HSPA12B: variants seen among roughly 807,000 people sequenced by gnomAD.
The protein encoded by HSPA12B is heat shock protein family A (Hsp70) member 12B, also known as heat shock 70 kDa protein 12B.
In HSPA12B, 54 loss-of-function variants were observed where a neutral mutation model predicts 69.3. That is an observed-to-expected ratio of 0.78 (90% CI 0.63 to 0.98). The LOEUF is 0.98. Ranked by LOEUF, HSPA12B falls within the 50% of genes least tolerant of loss-of-function variation. The pLI is 0.00. For synonymous variants in HSPA12B, 441 were observed against 436.5 expected (o/e 1.01, Z -0.13); for missense variants, 929 against 999.8 (o/e 0.93, Z 0.96).
At chr20:3,743,184 CTT>C (rs61614564) in intron 4 of HSPA12B, among the ~76,000 whole-genome samples, 32 of 139,328 alleles carry the variant, frequency 2.3e-4, no homozygotes, top group African/African-American at 7.5e-4. Context: ...CCAACCTGGC[CTT>C]TTTTTTTTTT....
At position 3,744,811 on chromosome 20, in the gene HSPA12B, C is replaced by A; in HGVS notation, c.267-91C>A. ...CCATAGCTAGTTCTCCCTGCTCTTT[C>A]ACATCTGTAAGTTTTTGCACATGCT... On this transcript the variant is annotated intron_variant, in intron 4 of 12. Transcript: ENST00000254963. This position sits in a 1 kb window ranked among gnomAD's most constrained non-coding sequence, Gnocchi z 4.9. 1 of 1,248,098 alleles carries A rather than the reference C, an allele frequency of 8.0e-7. No individual in the cohort carries two copies. The highest frequency in any genetic ancestry group is 1.1e-6 in the Non-Finnish European group (1 of 884,740). 77.3% of individuals were successfully genotyped at this position (1,248,098 alleles called of 1,614,324 possible).
chr20:3,741,251 C>T (rs2088197138), intron 3 of HSPA12B, among the ~76,000 whole-genome samples: 1 of 151,862 alleles, frequency 6.6e-6, no homozygotes, highest in Non-Finnish European at 1.5e-5. Flanking sequence ...AGCACTGGGC[C>T]TCTTGTGGAC....
At position 3,742,277 on chromosome 20, in the gene HSPA12B, C is replaced by G. The variant is rs2088215191; in HGVS notation, c.142-7C>G. ...CTGCTTGCTAATTCTAAGTCTTGCA[C>G]TTGCAGAAACCCGAGGTCCGAGCCC... On this transcript the variant is annotated splice_region_variant and splice_polypyrimidine_tract_variant and intron_variant, in intron 3 of 12. Transcript: ENST00000254963. 1.2e-6 allele frequency: 2 copies of G among 1,613,352 alleles called. No individual in the cohort carries two copies. Among genetic ancestry groups the G allele is most frequent in the Non-Finnish European group, 8.5e-7 (1 of 1,179,512 alleles).
rs116447423 is a variant in HSPA12B at position 3,741,909 on chromosome 20, T to C, written c.142-375T>C. On this transcript the variant is annotated intron_variant, in intron 3 of 12. Transcript: ENST00000254963. Reference sequence around the variant, plus strand: ...AAAATATATACACTGGTCCATGTGCTGTAAAACTGCCTGGAGGAGCAAAAT... The same window carrying C: ...AAAATATATACACTGGTCCATGTGCCGTAAAACTGCCTGGAGGAGCAAAAT... Among the ~76,000 whole-genome samples the C allele has an allele frequency of 6.3e-3, 950 of 151,570 alleles. 7 individuals are homozygous for C. The highest frequency in any genetic ancestry group is 0.022 in the African/African-American group (910 of 41,190).
Position 3,740,701 on chromosome 20 carries a change from C to G in HSPA12B, c.44-114C>G. The G allele has an allele frequency of 8.9e-6, 7 of 783,132 alleles. No individual in the cohort carries two copies. Among genetic ancestry groups the G allele is most frequent in the South Asian group, 1.5e-5 (1 of 66,778 alleles). The allele number at this position is 783,132 out of a possible 1,614,324, so 48.5% of individuals were successfully genotyped here. A position where few individuals can be genotyped will look rare whatever the true frequency, so the allele number is the denominator to read the frequency against. On this transcript the variant is annotated intron_variant, in intron 2 of 12. Transcript: ENST00000254963. This position sits in a 1 kb window ranked among gnomAD's most constrained non-coding sequence, Gnocchi z 4.9. ...GCAGTCCTCCTCCCCAGCAGAGAGC[C>G]CTTTGCCTTAGCCCAGCAAGGACTG...
At position 3,749,138 on chromosome 20, in the gene HSPA12B, GC is replaced by G; in HGVS notation, c.851-91del. The G allele has an allele frequency of 9.2e-7, 1 of 1,083,108 alleles. No homozygotes were observed. The highest frequency in any genetic ancestry group is 1.4e-6 in the Non-Finnish European group (1 of 738,022). 67.1% of individuals were successfully genotyped at this position (1,083,108 alleles called of 1,614,324 possible). On this transcript the variant is annotated intron_variant, in intron 8 of 12. Coordinates refer to ENST00000254963, the MANE Select transcript of HSPA12B (RefSeq NM_052970.5). The surrounding 1 kb of genome is among the most constrained non-coding windows in gnomAD (Gnocchi z 5.5). ...TTCAGGAGCACTGGCTGCTCCCAGT[GC>G]CCATGGAGGTCCTGGGCAGGAGGAT...
At chr20:3,736,760 C>T (rs1221291335) in intron 1 of HSPA12B, among the ~76,000 whole-genome samples, 3 of 152,226 alleles carry the variant, frequency 2.0e-5, no homozygotes, top group Non-Finnish European at 4.4e-5. Context: ...CGGTGGCTTA[C>T]GCCTGTAATC....
At chr20:3,750,250 C>G in intron 11 of HSPA12B, 23 bp downstream of exon 11, 1 of 1,567,236 alleles carries the variant, frequency 6.4e-7, no homozygotes, top group Non-Finnish European at 8.7e-7. Flanking sequence ...CCCGCGGGCT[C>G]AGGCAGGGTT....
rs1232117851 is a variant in HSPA12B at position 3,744,902 on chromosome 20, G to A, written c.267G>A (p.Arg89=). The A allele has an allele frequency of 1.2e-6, 2 of 1,612,094 alleles. No homozygotes were observed. The highest frequency in any genetic ancestry group is 3.3e-5 in the Admixed American group (2 of 60,010). ...ASDPEAIHMM[R]KWEGGDPGVA... ...CACTGACTGCCCTGTGCCTCCGCAG[G>A]AAATGGGAGGGCGGAGACCCGGGCG... Residue 89 remains arginine, a splice_region_variant and synonymous_variant, in exon 5 of 13, where the codon AGG becomes AGA. Coordinates refer to ENST00000254963, the MANE Select transcript of HSPA12B (RefSeq NM_052970.5). This position sits in a 1 kb window ranked among gnomAD's most constrained non-coding sequence, Gnocchi z 4.9.
rs1033436954 is a variant in HSPA12B at position 3,749,582 on chromosome 20, T to C, written c.938-168T>C. Among the ~76,000 whole-genome samples, 2 of 152,190 alleles carry C rather than the reference T, an allele frequency of 1.3e-5. No homozygotes were observed. Among genetic ancestry groups the C allele is most frequent in the Non-Finnish European group, 2.9e-5 (2 of 68,018 alleles). ...TTCTGCCCCACACCCTGCGCCCATA[T>C]GTGGTGGTCTGAGGTTCAAGCACCT... On this transcript the variant is annotated intron_variant, in intron 9 of 12. Transcript: ENST00000254963. This position sits in a 1 kb window ranked among gnomAD's most constrained non-coding sequence, Gnocchi z 5.5.
intron 7 of HSPA12B, 101 bp from the exon 8 acceptor site, chr20:3,748,116 G>A: frequency 9.5e-7 from 1 of 1,052,126 alleles, no homozygotes; most frequent in Admixed American, 2.7e-5. Flanking sequence ...TGATGGAGGA[G>A]GAGGTGGGAG....
In HSPA12B at chr20:3,750,014, T is replaced by C. The variant is rs781125257; in HGVS notation, c.1088T>C (p.Leu363Pro). ...AVGVDLAFEQLLCRIFGEDFI... is the reference protein window; with the variant it reads ...AVGVDLAFEQPLCRIFGEDFI... ...GGCGTGGACCTGGCCTTCGAGCAGC[T>C]GCTGTGCCGCATCTTCGGCGAGGAC... The change falls in exon 11 of 13, where the codon CTG becomes CCG. Residue 363 changes from leucine (L) to proline (P), a missense_variant. This residue lies in a region of HSPA12B where 477 missense variants were observed against 535.2 expected (regional missense o/e 0.89). Coordinates refer to ENST00000254963, the MANE Select transcript of HSPA12B (RefSeq NM_052970.5). 1.3e-6 allele frequency: 2 copies of C among 1,592,074 alleles called. No individual in the cohort carries two copies. The highest frequency in any genetic ancestry group is 1.7e-6 in the Non-Finnish European group (2 of 1,170,182).
chr20:3,744,798 C>T lies in HSPA12B; in HGVS notation c.267-104C>T. 1.9e-6 allele frequency: 2 copies of T among 1,072,298 alleles called. No individual in the cohort carries two copies. The highest frequency in any genetic ancestry group is 2.7e-6 in the Non-Finnish European group (2 of 730,794). 66.4% of individuals were successfully genotyped at this position (1,072,298 alleles called of 1,614,324 possible). On this transcript the variant is annotated intron_variant, in intron 4 of 12. Transcript: ENST00000254963. The surrounding 1 kb of genome is among the most constrained non-coding windows in gnomAD (Gnocchi z 4.9). ...CTATGGAGCCGACCCATAGCTAGTT[C>T]TCCCTGCTCTTTCACATCTGTAAGT... is the stretch of plus-strand genomic sequence containing the variant.
chr20:3,739,427 T>C (rs1041352965), intron 2 of HSPA12B, among the ~76,000 whole-genome samples: 2 of 152,194 alleles, frequency 1.3e-5, no homozygotes, highest in East Asian at 3.8e-4. Context: ...GGAGCAGGCT[T>C]GGGTTCTCCG....
In HSPA12B at chr20:3,737,637, G is replaced by T. The variant is rs146959798; in HGVS notation, c.-17-1021G>T. On this transcript the variant is annotated intron_variant, in intron 1 of 12. Transcript: ENST00000254963. This position sits in a 1 kb window ranked among gnomAD's most constrained non-coding sequence, Gnocchi z 4.1. ...TGAGGCATCTCAGTCTCCTGGGCCG[G>T]TATATATTCCTCTGTTCAGCCTTTA... Among the ~76,000 whole-genome samples the T allele has an allele frequency of 6.6e-5, 10 of 152,262 alleles. No homozygotes were observed. The highest frequency in any genetic ancestry group is 1.3e-4 in the Non-Finnish European group (9 of 68,030).
In HSPA12B at chr20:3,752,226, G is replaced by A; in HGVS notation, c.*60G>A. 2 of 1,395,956 alleles carry A rather than the reference G, an allele frequency of 1.4e-6. No homozygotes were observed. The highest frequency in any genetic ancestry group is 1.9e-6 in the Non-Finnish European group (2 of 1,071,820). The allele number at this position is 1,395,956 out of a possible 1,614,324, so 86.5% of individuals were successfully genotyped here. Reference sequence around the variant, plus strand: ...GGCCCCGCCCTCTTTCGGTTCAGGGGCCTGCGGAGCGGGTTGGGGCGGGGG... The same window carrying A: ...GGCCCCGCCCTCTTTCGGTTCAGGGACCTGCGGAGCGGGTTGGGGCGGGGG... On this transcript the variant is annotated 3_prime_UTR_variant, in exon 13 of 13. Coordinates refer to ENST00000254963, the MANE Select transcript of HSPA12B (RefSeq NM_052970.5).
chr20:3,751,213 A>G lies in HSPA12B; in HGVS notation c.1406-298A>G, dbSNP rs370486036. Reference sequence around the variant, plus strand: ...AGCTGAAGTACCTAGAGTGAGCACAATGTCTTGCACACAATGTCTAGGTGT... The same window carrying G: ...AGCTGAAGTACCTAGAGTGAGCACAGTGTCTTGCACACAATGTCTAGGTGT... On this transcript the variant is annotated intron_variant, in intron 12 of 12. Transcript: ENST00000254963. The G allele has an allele frequency of 8.3e-6, 8 of 965,164 alleles. No individual in the cohort carries two copies. The African/African-American group carries it at 1.2e-4, about 15-fold the overall frequency. 59.8% of individuals were successfully genotyped at this position (965,164 alleles called of 1,614,324 possible).
intron 1 of HSPA12B, 44 bp downstream of exon 1, chr20:3,732,838 A>G (rs1046235573): frequency 6.6e-6 from 1 of 152,412 alleles, no homozygotes; most frequent in Non-Finnish European, 1.5e-5. Context: ...GAGTGGAGAA[A>G]GGCGAGGAGG....
rs2088216074 is a variant in HSPA12B at position 3,742,304 on chromosome 20, C to G, written c.162C>G (p.Pro54=). The G allele has an allele frequency of 1.9e-6, 3 of 1,613,928 alleles. No individual in the cohort carries two copies. The highest frequency in any genetic ancestry group is 1.6e-4 in the Middle Eastern group (1 of 6,080). ...SQSPKPEVRA[P]QQASFSVVVA... ...TGCAGAAACCCGAGGTCCGAGCCCC[C>G]CAGCAGGCCTCCTTCTCTGTGGTGG... Residue 54 remains proline (P), a synonymous_variant, in exon 4 of 13, where the codon CCC becomes CCG. Transcript: ENST00000254963.
Sources: gnomAD v4.1 joint callset for allele counts (sites outside exome capture counted in the v4.1 genomes callset) on GRCh38, gnomAD v4.1.1 for gene constraint, gnomAD v4.1.1 regional missense constraint, Gnocchi (gnomAD v3.1) non-coding constraint, MANE v1.5 for transcripts, NCBI Gene and HGNC (gene_info 2026-07-23, HGNC 2026-07-21) for gene names.